LRRIQ1: variants seen among roughly 807,000 people sequenced by gnomAD.
The protein encoded by LRRIQ1 is leucine-rich repeat- and IQ domain-containing protein 1.
In LRRIQ1, 210 loss-of-function variants were observed where a neutral mutation model predicts 211.9. The observed-to-expected ratio is 0.99, with a 90% CI of 0.89 to 1.11. The LOEUF (loss-of-function observed/expected upper bound fraction) is 1.11. Ranked by LOEUF, LRRIQ1 falls within the 50% of genes most tolerant of loss-of-function variation. The probability of loss-of-function intolerance (pLI) is 0.00; values close to 1 mark genes in which losing one functional copy is unlikely to be tolerated. For synonymous variants in LRRIQ1, 699 were observed against 650.1 expected (o/e 1.08, Z -1.14); for missense variants, 2,136 against 1,939.5 (o/e 1.10, Z -1.90).
chr12:85,257,030 AAT>A (rs1403538815), intron 1 of LRRIQ1, among the ~76,000 whole-genome samples: 2 of 104,790 alleles, frequency 1.9e-5, no homozygotes, highest in East Asian at 5.4e-4. Context: ...ATATACATAT[AAT>A]ATATATTATA....
chr12:85,122,209 A>G (rs1176235132), intron 16 of LRRIQ1, among the ~76,000 whole-genome samples: 1 of 152,184 alleles, frequency 6.6e-6, no homozygotes, highest in Non-Finnish European at 1.5e-5. Context: ...ATTTATCCCC[A>G]AATAATTCAC....
At chr12:85,227,018 A>AT (rs1894691771) in intron 24 of LRRIQ1, among the ~76,000 whole-genome samples, 6 of 151,784 alleles carry the variant, frequency 4.0e-5, no homozygotes, top group Admixed American at 3.9e-4. Flanking sequence ...TAGCAGCATG[A>AT]TTTATAATCC....
intron 24 of LRRIQ1, among the ~76,000 whole-genome samples, chr12:85,206,067 C>T (rs1318468957): frequency 1.3e-5 from 2 of 152,222 alleles, no homozygotes; most frequent in African/African-American, 2.4e-5. Context: ...AAGCATTTGT[C>T]AGGCCATGGC....
intron 10 of LRRIQ1, among the ~76,000 whole-genome samples, chr12:85,067,295 A>G (rs970219301): frequency 6.6e-6 from 1 of 151,910 alleles, no homozygotes; most frequent in Admixed American, 6.6e-5. Flanking sequence ...AGCTACATAC[A>G]TCACTTGGAC....
chr12:85,098,160 G>T (rs1886053800), intron 11 of LRRIQ1, among the ~76,000 whole-genome samples, 195 bp from the exon 12 acceptor site: 1 of 152,008 alleles, frequency 6.6e-6, no homozygotes, highest in Admixed American at 6.6e-5. Context: ...TCAAAAATAT[G>T]TCACCCAGAT....
chr12:85,212,205 A>G (rs2137074045), intron 24 of LRRIQ1, among the ~76,000 whole-genome samples: 1 of 152,236 alleles, frequency 6.6e-6, no homozygotes, highest in East Asian at 1.9e-4. Context: ...GAATCACCTG[A>G]GCCCAGGAGA....
At chr12:85,220,382 T>C (rs1392854076) in intron 24 of LRRIQ1, among the ~76,000 whole-genome samples, 2 of 152,054 alleles carry the variant, frequency 1.3e-5, no homozygotes, top group Non-Finnish European at 2.9e-5. Context: ...TACGATATTA[T>C]GTTATATTGA....
At chr12:85,187,569 G>C (rs765185484) in intron 24 of LRRIQ1, among the ~76,000 whole-genome samples, 1 of 152,040 alleles carries the variant, frequency 6.6e-6, no homozygotes, top group Non-Finnish European at 1.5e-5. Flanking sequence ...CACTTTGGGA[G>C]GCCAAGGCAG....
At chr12:85,062,810 C>CCAT (rs1481075404) in intron 8 of LRRIQ1, among the ~76,000 whole-genome samples, 4 of 151,672 alleles carry the variant, frequency 2.6e-5, no homozygotes, top group African/African-American at 7.3e-5. Context: ...TAATTTATAT[C>CCAT]TCTACCAACA....
chr12:85,105,682 T>A (rs1886726006), intron 14 of LRRIQ1, among the ~76,000 whole-genome samples: 1 of 152,010 alleles, frequency 6.6e-6, no homozygotes, highest in South Asian at 2.1e-4. Flanking sequence ...GGATGATAAG[T>A]TTTATTCTTG....
chr12:85,086,548 C>A (rs941865642), intron 11 of LRRIQ1, among the ~76,000 whole-genome samples: 6 of 152,036 alleles, frequency 3.9e-5, no homozygotes, highest in Admixed American at 3.9e-4. Flanking sequence ...TCCTGTAAAG[C>A]CTGGAGAATA....
intron 11 of LRRIQ1, among the ~76,000 whole-genome samples, chr12:85,091,447 G>GTCTGTTTAC (rs1565824258): frequency 6.6e-6 from 1 of 152,060 alleles, no homozygotes; most frequent in Non-Finnish European, 1.5e-5. Flanking sequence ...TCTATAGGTT[G>GTCTGTTTAC]TCTGTTTACT....
At chr12:85,157,274 T>C (rs1890604339) in intron 23 of LRRIQ1, among the ~76,000 whole-genome samples, 1 of 151,818 alleles carries the variant, frequency 6.6e-6, no homozygotes, top group African/African-American at 2.4e-5. Context: ...TGAGACCATC[T>C]GATTAAAAGA....
At chr12:85,198,966 G>C (rs1893157951) in intron 24 of LRRIQ1, among the ~76,000 whole-genome samples, 1 of 152,064 alleles carries the variant, frequency 6.6e-6, no homozygotes, top group South Asian at 2.1e-4. Flanking sequence ...GGGGTTGTTT[G>C]TTTTGTTCTT....
In LRRIQ1 at chr12:85,055,695, A is replaced by C. The variant is rs1423912980; in HGVS notation, c.902A>C (p.Gln301Pro). 1 of 1,608,990 alleles carries C rather than the reference A, an allele frequency of 6.2e-7. No homozygotes were observed. Among genetic ancestry groups the C allele is most frequent in the Non-Finnish European group, 8.5e-7 (1 of 1,178,362 alleles). ...AAATATAAAGCATTTGTTGCCTATCAAAAATATGGCCCAATTATTAAAGAG... is the reference window on the plus strand; with the variant it reads ...AAATATAAAGCATTTGTTGCCTATCCAAAATATGGCCCAATTATTAAAGAG... ...QAKYKAFVAYQKYGPIIKEQI... is the reference protein window; with the variant it reads ...QAKYKAFVAYPKYGPIIKEQI... Residue 301 changes from glutamine to proline, a missense_variant, in exon 8 of 27, where the codon CAA becomes CCA. Physicochemically the swap from Gln to Pro is moderately conservative, Grantham distance 76 (BLOSUM62 -1). Transcript: ENST00000393217.
intron 1 of LRRIQ1, among the ~76,000 whole-genome samples, chr12:85,250,817 A>AT (rs1420619452): frequency 3.5e-5 from 4 of 115,056 alleles, no homozygotes; most frequent in Non-Finnish European, 6.9e-5. Context: ...TATTATATAT[A>AT]ATATATATTA....
In LRRIQ1 at chr12:85,114,595, C is replaced by T. The variant is rs1887438442; in HGVS notation, c.3378-7102C>T. Among the ~76,000 whole-genome samples, 3 of 152,174 alleles carry T rather than the reference C, an allele frequency of 2.0e-5. No homozygotes were observed. In the East Asian group the frequency reaches 5.8e-4, roughly 29 times the overall value. On this transcript the variant is annotated intron_variant, in intron 15 of 26. Transcript: ENST00000393217. ...ACAAATTTGTAAAGATAAATATTCA[C>T]ATTTTACTGCTTTTGTTGAGTTTAT...
intron 24 of LRRIQ1, among the ~76,000 whole-genome samples, chr12:85,185,381 TAAAAC>T (rs1238776572): frequency 8.6e-5 from 13 of 151,736 alleles, no homozygotes; most frequent in East Asian, 7.7e-4. Flanking sequence ...TAATATAAAA[TAAAAC>T]AAAACATCAA....
chr12:85,149,256 T>C (rs1470843474), intron 19 of LRRIQ1, among the ~76,000 whole-genome samples: 1 of 151,980 alleles, frequency 6.6e-6, no homozygotes, highest in Non-Finnish European at 1.5e-5. Flanking sequence ...ATTACCTAGG[T>C]TTTCTTCTAG....
Sources: gnomAD v4.1 joint callset for allele counts (sites outside exome capture counted in the v4.1 genomes callset) on GRCh38, gnomAD v4.1.1 for gene constraint, MANE v1.5 for transcripts, NCBI Gene and HGNC (gene_info 2026-07-23, HGNC 2026-07-21) for gene names.